IL1RAPL1: variants seen among roughly 807,000 people sequenced by gnomAD.
The protein encoded by IL1RAPL1 is interleukin-1 receptor accessory protein-like 1.
Under a neutral mutation model 48.4 loss-of-function variants are expected in IL1RAPL1, and 3 were observed. The observed-to-expected ratio is 0.06, with a 90% confidence interval of 0.03 to 0.16. The LOEUF (loss-of-function observed/expected upper bound fraction) is 0.16, where lower values mean the gene tolerates loss of function less well. Ranked by LOEUF, IL1RAPL1 falls within the 10% of genes least tolerant of loss-of-function variation. The probability of loss-of-function intolerance (pLI) is 1.00; values close to 1 mark genes in which losing one functional copy is unlikely to be tolerated. For synonymous variants in IL1RAPL1, 185 were observed against 187.7 expected, an observed-to-expected ratio of 0.99 and a Z score of 0.12; for missense variants, 349 against 530.6, an observed-to-expected ratio of 0.66 and a Z score of 3.36.
In IL1RAPL1 at chrX:29,778,678, A is replaced by G. The variant is rs757234654; in HGVS notation, c.778+110174A>G. Among the ~76,000 whole-genome samples, 11 of 112,242 alleles carry G rather than the reference A, an allele frequency of 9.8e-5. No individual in the cohort carries two copies. In the South Asian group the frequency reaches 4.0e-3, roughly 41 times the overall value. On this transcript the variant is annotated intron_variant, in intron 6 of 10. Transcript: ENST00000378993. ...GAAAACTCTCCAATGAGAATGTCCC[A>G]TGTTCTTCACTGTCATACCTTTTTT...
chrX:29,353,657 T>C (rs921510986), intron 3 of IL1RAPL1, among the ~76,000 whole-genome samples: 10 of 111,280 alleles, frequency 9.0e-5, no homozygotes, highest in Non-Finnish European at 1.7e-4. Context: ...AAATAAAATA[T>C]ACATTTTATC....
chrX:29,495,150 A>G (rs1345075813), intron 5 of IL1RAPL1, among the ~76,000 whole-genome samples: 3 of 112,012 alleles, frequency 2.7e-5, no homozygotes, highest in Non-Finnish European at 5.6e-5. Flanking sequence ...TTAGTTGCAA[A>G]TGCTTTATTG....
intron 3 of IL1RAPL1, among the ~76,000 whole-genome samples, chrX:29,326,283 C>T (rs763697412): frequency 1.8e-5 from 2 of 112,294 alleles, no homozygotes; most frequent in South Asian, 7.4e-4. Context: ...TGTAATGGTA[C>T]TTGTACAACC....
intron 6 of IL1RAPL1, among the ~76,000 whole-genome samples, chrX:29,751,344 C>G (rs190112402): frequency 9.0e-6 from 1 of 111,374 alleles, no homozygotes; most frequent in Non-Finnish European, 1.9e-5. Flanking sequence ...AAATAAATAA[C>G]TGCTTATCAT....
intron 6 of IL1RAPL1, among the ~76,000 whole-genome samples, chrX:29,691,720 C>T (rs992054404): frequency 2.0e-5 from 2 of 99,607 alleles, no homozygotes; most frequent in African/African-American, 3.8e-5. Flanking sequence ...GTCCGCAGTC[C>T]GGCCTGGGCG....
At chrX:29,339,650 C>T (rs1276577514) in intron 3 of IL1RAPL1, among the ~76,000 whole-genome samples, 1 of 111,938 alleles carries the variant, frequency 8.9e-6, no homozygotes, top group Non-Finnish European at 1.9e-5. Flanking sequence ...TAATAACTTG[C>T]AAAAGTATGG....
chrX:28,931,793 T>G (rs1923887618), intron 2 of IL1RAPL1, among the ~76,000 whole-genome samples: 1 of 111,163 alleles, frequency 9.0e-6, no homozygotes, highest in Non-Finnish European at 1.9e-5. Flanking sequence ...ATCCCAGCAC[T>G]TTGGGAGGCC....
intron 5 of IL1RAPL1, among the ~76,000 whole-genome samples, chrX:29,539,863 A>G (rs1023870512): frequency 3.2e-4 from 36 of 111,301 alleles, no homozygotes; most frequent in African/African-American, 1.1e-3. Flanking sequence ...AGTCCCAGGT[A>G]TTTTTTTATA....
chrX:28,768,449 TTTGTTC>T (rs2147255000), intron 1 of IL1RAPL1, among the ~76,000 whole-genome samples: 1 of 109,754 alleles, frequency 9.1e-6, no homozygotes, highest in South Asian at 3.9e-4. Flanking sequence ...GGAAATACTC[TTTGTTC>T]TAATTCAACA....
intron 3 of IL1RAPL1, among the ~76,000 whole-genome samples, chrX:29,293,158 C>T (rs926967454): frequency 2.7e-5 from 3 of 111,917 alleles, no homozygotes; most frequent in African/African-American, 9.7e-5. Flanking sequence ...CTGGGTTGTG[C>T]TCTTTTCAAA....
At chrX:29,226,730 G>C (rs1488563461) in intron 2 of IL1RAPL1, among the ~76,000 whole-genome samples, 2 of 103,042 alleles carry the variant, frequency 1.9e-5, no homozygotes, top group South Asian at 4.3e-4. Flanking sequence ...CCACTGTACT[G>C]GCTGATTCGT....
chrX:28,761,423 G>A (rs1340139680), intron 1 of IL1RAPL1, among the ~76,000 whole-genome samples: 1 of 112,107 alleles, frequency 8.9e-6, no homozygotes, highest in Non-Finnish European at 1.9e-5. Flanking sequence ...AAAAAAGAAT[G>A]AAATCATTTC....
At chrX:29,028,427 A>G (rs1316943932) in intron 2 of IL1RAPL1, among the ~76,000 whole-genome samples, 1 of 108,253 alleles carries the variant, frequency 9.2e-6, no homozygotes, top group East Asian at 2.9e-4. Context: ...AGCTGGGACT[A>G]CAGGCACACG....
intron 8 of IL1RAPL1, among the ~76,000 whole-genome samples, chrX:29,920,794 CAAA>C (rs1176529100): frequency 1.5e-3 from 47 of 31,635 alleles, no homozygotes; most frequent in African/African-American, 5.8e-3. Flanking sequence ...GACCCTGTCT[CAAA>C]AAAAAAAAAA....
chrX:28,877,727 C>A (rs1922409196), intron 2 of IL1RAPL1, among the ~76,000 whole-genome samples: 3 of 111,269 alleles, frequency 2.7e-5, no homozygotes, highest in Admixed American at 1.9e-4. Flanking sequence ...AATTGTGAAG[C>A]CAGTAATTAC....
intron 6 of IL1RAPL1, among the ~76,000 whole-genome samples, chrX:29,795,637 C>T (rs776321151): frequency 8.8e-6 from 1 of 113,018 alleles, no homozygotes; most frequent in Non-Finnish European, 1.9e-5. Flanking sequence ...TCTCGAACTC[C>T]TGGACTCAAG....
intron 5 of IL1RAPL1, among the ~76,000 whole-genome samples, chrX:29,509,661 A>G (rs1237141535): frequency 1.8e-5 from 2 of 109,385 alleles, no homozygotes; most frequent in East Asian, 5.6e-4. Flanking sequence ...GTGCACACAC[A>G]TGCACACACA....
intron 2 of IL1RAPL1, among the ~76,000 whole-genome samples, chrX:29,252,618 G>A (rs919420560): frequency 1.5e-4 from 10 of 66,687 alleles, no homozygotes; most frequent in Non-Finnish European, 2.1e-4. Context: ...CACTTGAGAC[G>A]CTGTGTAATT....
At chrX:29,889,137 G>C (rs1056907016) in intron 6 of IL1RAPL1, among the ~76,000 whole-genome samples, 63 of 111,814 alleles carry the variant, frequency 5.6e-4, no homozygotes, top group African/African-American at 2.0e-3. Flanking sequence ...ATGGCATATA[G>C]GTTCATGTTT....
Sources: allele counts gnomAD v4.1 joint callset (sites outside exome capture counted in the v4.1 genomes callset), GRCh38; gene constraint gnomAD v4.1.1; transcripts MANE v1.5; gene names NCBI Gene and HGNC (gene_info 2026-07-23, HGNC 2026-07-21).